The following SH3RF2 variants were observed in gnomAD, a reference collection of about 807,000 sequenced individuals.
SH3RF2 encodes the protein E3 ubiquitin-protein ligase SH3RF2.
In SH3RF2, 43 loss-of-function variants were observed where a neutral mutation model predicts 59.0. The observed-to-expected ratio is 0.73, with a 90% CI of 0.57 to 0.94. The LOEUF (loss-of-function observed/expected upper bound fraction) is 0.94, where lower values mean the gene tolerates loss of function less well. Ranked by LOEUF, SH3RF2 falls within the 40% of genes least tolerant of loss-of-function variation. SH3RF2 has a pLI of 0.00. For missense variants in SH3RF2, 930 were observed against 940.1 expected (o/e 0.99, Z 0.14); for synonymous variants, 391 against 391.5 (o/e 1.00, Z 0.01).
At chr5:145,950,184 AG>A (rs1327954807) in intron 2 of SH3RF2, among the ~76,000 whole-genome samples, 1 of 152,196 alleles carries the variant, frequency 6.6e-6, no homozygotes, top group Non-Finnish European at 1.5e-5. Flanking sequence ...CTGTCCTTGG[AG>A]GTCTGTGGTA....
chr5:146,023,527 A>AGCAAG (rs1761411489), intron 5 of SH3RF2, among the ~76,000 whole-genome samples: 2 of 152,270 alleles, frequency 1.3e-5, no homozygotes, highest in Admixed American at 6.5e-5. Flanking sequence ...ACTTTCTGTA[A>AGCAAG]GCTGATAGAA....
rs1762885564 is a variant in SH3RF2 at position 146,061,405 on chromosome 5, TAGA to T, written c.1915-1019_1915-1017del. On this transcript the variant is annotated intron_variant, in intron 9 of 9. Coordinates refer to ENST00000359120, the MANE Select transcript of SH3RF2 (RefSeq NM_152550.4). The stretch of plus-strand genomic sequence containing the variant: ...GGTTGGGAGTTCTTATTCTGAATTA[TAGA>T]AATAATTCAGAGTTTTCTAGGCCCC... 2.0e-5 allele frequency among the ~76,000 whole-genome samples: 3 copies of T among 152,326 alleles called. No individual in the cohort carries two copies. In the South Asian group the frequency reaches 6.2e-4, roughly 32 times the overall value.
At position 146,033,451 on chromosome 5, in the gene SH3RF2, C is replaced by CTTTTTTTTTTT. The variant is rs558717056; in HGVS notation, c.1060-14295_1060-14285dup. Reference sequence around the variant, plus strand: ...AAAATCTATGAGCACTAGCCCTTAGCTTTTTTTTTTTTTTTTTTTTTTTTT... The same window carrying CTTTTTTTTTTT: ...AAAATCTATGAGCACTAGCCCTTAGCTTTTTTTTTTTTTTTTTTTTTTTTTTTTTTTTTTTT... On this transcript the variant is annotated intron_variant, in intron 5 of 9. Coordinates refer to ENST00000359120, the MANE Select transcript of SH3RF2 (RefSeq NM_152550.4). Among the ~76,000 whole-genome samples, 24 of 71,862 alleles carry CTTTTTTTTTTT rather than the reference C, an allele frequency of 3.3e-4. 3 individuals are homozygous for CTTTTTTTTTTT. The highest frequency in any genetic ancestry group is 3.8e-4 in the Non-Finnish European group (16 of 41,770). 47.1% of individuals were successfully genotyped at this position (71,862 alleles called of 152,430 possible).
Position 145,938,012 on chromosome 5 carries a change from C to A in SH3RF2, c.84C>A (p.Cys28Ter), listed in dbSNP as rs769462511. Residue 28 changes from cysteine to a stop codon, truncating the protein, a stop_gained, in exon 2 of 10, where the codon TGC becomes TGA. Transcript: ENST00000359120. LOFTEE classifies it high-confidence loss of function. ...KLDVTAKVLP[C>*]QHTFCKPCLQ... Reference sequence around the variant, plus strand: ...ATGTCACAGCCAAAGTCCTCCCTTGCCAGCACACCTTCTGCAAACCATGTC... The same window carrying A: ...ATGTCACAGCCAAAGTCCTCCCTTGACAGCACACCTTCTGCAAACCATGTC... 1.2e-6 allele frequency: 2 copies of A among 1,614,222 alleles called. No individual in the cohort carries two copies. Among genetic ancestry groups the A allele is most frequent in the Admixed American group, 3.3e-5 (2 of 60,028 alleles).
At position 146,060,191 on chromosome 5, in the gene SH3RF2, G is replaced by A; in HGVS notation, c.1881G>A (p.Val627=). 1.2e-6 allele frequency: 2 copies of A among 1,611,168 alleles called. No homozygotes were observed. Among genetic ancestry groups the A allele is most frequent in the South Asian group, 1.1e-5 (1 of 90,520 alleles). The change falls in exon 9 of 10, where the codon GTG becomes GTA. Residue 627 remains valine, a synonymous_variant. Coordinates refer to ENST00000359120, the MANE Select transcript of SH3RF2 (RefSeq NM_152550.4). Reference sequence around the variant, plus strand: ...CATCTGCCCCACCATCCATCCTGGTGAAACCAGAAAACTCAAGAAATGGCA... The same window carrying A: ...CATCTGCCCCACCATCCATCCTGGTAAAACCAGAAAACTCAAGAAATGGCA... ...PPASAPPSIL[V]KPENSRNGIE...
intron 2 of SH3RF2, among the ~76,000 whole-genome samples, chr5:145,989,965 G>C (rs980636663): frequency 5.9e-5 from 9 of 152,158 alleles, no homozygotes; most frequent in African/African-American, 2.2e-4. Flanking sequence ...TTGCTATTTG[G>C]ATATTACATT....
intron 2 of SH3RF2, chr5:145,997,748 G>T (rs1396340873): frequency 1.3e-6 from 2 of 1,578,144 alleles, no homozygotes; most frequent in Admixed American, 3.4e-5. Context: ...TTAAATCATT[G>T]TGGACAAAAA....
rs58789987 is a variant in SH3RF2 at position 145,997,328 on chromosome 5, C to T, written c.379-2730C>T. On this transcript the variant is annotated intron_variant, in intron 2 of 9. Coordinates refer to ENST00000359120, the MANE Select transcript of SH3RF2 (RefSeq NM_152550.4). Reference sequence around the variant, plus strand: ...AGCTAGTGAAACCAGAGCAGCTCCCCGTATATACTGCACCACCGCTCCAGT... The same window carrying T: ...AGCTAGTGAAACCAGAGCAGCTCCCTGTATATACTGCACCACCGCTCCAGT... 0.018 allele frequency: 20,678 copies of T among 1,123,542 alleles called. 2,530 individuals are homozygous for T. In the African/African-American group the frequency reaches 0.27, roughly 15 times the overall value. The allele number at this position is 1,123,542 out of a possible 1,614,324, so 69.6% of individuals were successfully genotyped here. A position where few individuals can be genotyped will look rare whatever the true frequency, so the allele number is the denominator to read the frequency against.
intron 7 of SH3RF2, 105 bp from the exon 8 acceptor site, chr5:146,055,876 A>C: frequency 1.6e-6 from 2 of 1,280,432 alleles, no homozygotes; most frequent in Non-Finnish European, 2.2e-6. Context: ...AGAAGTAGCC[A>C]CATTTGGTAT....
Position 145,971,871 on chromosome 5 carries a change from AATGATGATG to A in SH3RF2, c.379-28156_379-28148del, listed in dbSNP as rs148965709. Among the ~76,000 whole-genome samples the A allele has an allele frequency of 8.9e-3, 1,338 of 150,718 alleles. 24 individuals carry two copies. The highest frequency in any genetic ancestry group is 0.03 in the African/African-American group (1,234 of 41,058). On this transcript the variant is annotated intron_variant, in intron 2 of 9. Coordinates refer to ENST00000359120, the MANE Select transcript of SH3RF2 (RefSeq NM_152550.4). ...GGAATAGCCAAGAAATAATAGTGATAATGATGATGATGATGATGATGATGATGATGATGA... is the reference window on the plus strand; with the variant it reads ...GGAATAGCCAAGAAATAATAGTGATAATGATGATGATGATGATGATGATGA...
intron 5 of SH3RF2, 45 bp from the exon 6 acceptor site, chr5:146,047,727 G>A: frequency 6.3e-7 from 1 of 1,585,624 alleles, no homozygotes; most frequent in South Asian, 1.1e-5. Flanking sequence ...GGCCTGGGTT[G>A]TGGCATTCAT....
In SH3RF2 at chr5:146,047,820, G is replaced by C; in HGVS notation, c.1108G>C (p.Val370Leu). The C allele has an allele frequency of 6.2e-7, 1 of 1,614,078 alleles. No individual in the cohort carries two copies. Among genetic ancestry groups the C allele is most frequent in the Non-Finnish European group, 8.5e-7 (1 of 1,180,026 alleles). Residue 370 changes from valine to leucine, a missense_variant, in exon 6 of 10, where the codon GTG (valine) becomes CTG (leucine). Coordinates refer to ENST00000359120, the MANE Select transcript of SH3RF2 (RefSeq NM_152550.4). ...APVSPGHSTAVVSLPGSQQHL... is the reference protein window; with the variant it reads ...APVSPGHSTALVSLPGSQQHL... ...TGTCTCTCCAGGACATTCCACAGCC[G>C]TGGTCAGTCTGCCTGGCTCCCAGCA...
intron 3 of SH3RF2, among the ~76,000 whole-genome samples, chr5:146,001,199 A>C (rs977038483): frequency 1.3e-5 from 2 of 152,250 alleles, no homozygotes; most frequent in Admixed American, 6.5e-5. Flanking sequence ...TACTTTAACT[A>C]TCTGTATTCA....
downstream of SH3RF2, among the ~76,000 whole-genome samples, chr5:146,066,843 C>G (rs1763118658): frequency 2.0e-5 from 3 of 152,180 alleles, no homozygotes; most frequent in Admixed American, 6.5e-5. Flanking sequence ...AGAGCATCAC[C>G]CCTCAACTAA....
intron 2 of SH3RF2, among the ~76,000 whole-genome samples, chr5:145,998,847 G>T (rs1760275258): frequency 6.6e-6 from 1 of 152,106 alleles, no homozygotes; most frequent in African/African-American, 2.4e-5. Flanking sequence ...GGAGGTGGAG[G>T]TTGCAGTGAG....
chr5:146,046,202 C>T (rs1762297482), intron 5 of SH3RF2, among the ~76,000 whole-genome samples: 1 of 152,214 alleles, frequency 6.6e-6, no homozygotes, highest in South Asian at 2.1e-4. Context: ...TGCAATCCCA[C>T]ATCAGCACAT....
In SH3RF2 at chr5:146,074,128, C is replaced by G. The variant is rs992975821; in HGVS notation, c.*34-4332C>G. 3.3e-5 allele frequency among the ~76,000 whole-genome samples: 5 copies of G among 150,234 alleles called. No homozygotes were observed. In the South Asian group the frequency reaches 1.0e-3, roughly 31 times the overall value. On this transcript the variant is annotated intron_variant, in intron 9 of 9. Transcript: ENST00000511217. ...GATCTTGGCTCACTGCAAGCTCCGC[C>G]TCCCGGGTTCACGCCATTCTCCTGC... is the stretch of plus-strand genomic sequence containing the variant.
intron 2 of SH3RF2, among the ~76,000 whole-genome samples, chr5:145,995,927 G>A (rs1401276326): frequency 6.6e-6 from 1 of 152,018 alleles, no homozygotes; most frequent in Non-Finnish European, 1.5e-5. Flanking sequence ...TCATTGTATG[G>A]GTATGGGTGT....
At chr5:145,944,042 T>G (rs1757919301) in intron 2 of SH3RF2, among the ~76,000 whole-genome samples, 1 of 152,174 alleles carries the variant, frequency 6.6e-6, no homozygotes, top group African/African-American at 2.4e-5. Flanking sequence ...TTGCCAGCAC[T>G]GTTACATCAC....
Sources: gnomAD v4.1 joint callset for allele counts (sites outside exome capture counted in the v4.1 genomes callset) on GRCh38, gnomAD v4.1.1 for gene constraint, MANE v1.5 for transcripts, NCBI Gene and HGNC (gene_info 2026-07-23, HGNC 2026-07-21) for gene names.